Variants in MYBPC1 observed in about 807,000 individuals in gnomAD.
MYBPC1 encodes the protein myosin-binding protein C, slow-type.
A neutral mutation model predicts 147.1 loss-of-function variants in MYBPC1; 52 were observed. The ratio of observed to expected loss-of-function variants is 0.35; its 90% CI spans 0.28 to 0.45. MYBPC1 has a LOEUF of 0.45. Ranked by LOEUF, MYBPC1 falls within the 20% of genes least tolerant of loss-of-function variation. The probability of loss-of-function intolerance (pLI) is 1.00; values close to 1 mark genes in which losing one functional copy is unlikely to be tolerated. For missense variants in MYBPC1, 1,228 were observed against 1,440.3 expected, an observed-to-expected ratio of 0.85 and a Z score of 2.39; for synonymous variants, 477 against 475.9, an observed-to-expected ratio of 1.00 and a Z score of -0.03.
chr12:101,610,907 A>G (rs1884050618), intron 1 of MYBPC1, among the ~76,000 whole-genome samples: 1 of 152,194 alleles, frequency 6.6e-6, no homozygotes, highest in Non-Finnish European at 1.5e-5. Context: ...GCCTGGTTCC[A>G]CACTCCCTAG....
intron 4 of MYBPC1, among the ~76,000 whole-genome samples, 176 bp from the exon 5 acceptor site, chr12:101,627,593 G>A (rs1392947538): frequency 6.6e-6 from 1 of 152,096 alleles, no homozygotes; most frequent in Non-Finnish European, 1.5e-5. Flanking sequence ...CACTTTTATA[G>A]ATGCTTTCAT....
Position 101,685,663 on chromosome 12 carries a change from G to A in MYBPC1, c.*101G>A. 1 of 1,527,558 alleles carries A rather than the reference G, an allele frequency of 6.5e-7. No homozygotes were observed. The highest frequency in any genetic ancestry group is 8.8e-7 in the Non-Finnish European group (1 of 1,139,432). 94.6% of individuals were successfully genotyped at this position (1,527,558 alleles called of 1,614,324 possible). A position where few individuals can be genotyped will look rare whatever the true frequency, so the allele number is the denominator to read the frequency against. On this transcript the variant is annotated 3_prime_UTR_variant, in exon 32 of 32. Coordinates refer to ENST00000361466, the MANE Select transcript of MYBPC1 (RefSeq NM_002465.4). ...TCGTATCTGCGAGACTTACACTCAA[G>A]CAATCCTGAGGAATACTGAGGGAGG... is the stretch of plus-strand genomic sequence containing the variant.
At chr12:101,658,489 A>C (rs1290551448) in intron 18 of MYBPC1, among the ~76,000 whole-genome samples, 1 of 152,166 alleles carries the variant, frequency 6.6e-6, no homozygotes, top group Non-Finnish European at 1.5e-5. Context: ...GAAATAATGC[A>C]AGAGTATCCT....
chr12:101,621,078 T>A (rs1017317840), intron 3 of MYBPC1, among the ~76,000 whole-genome samples: 1 of 152,204 alleles, frequency 6.6e-6, no homozygotes, highest in Admixed American at 6.5e-5. Flanking sequence ...AAATGATTTT[T>A]AAAAAAATTT....
At position 101,633,829 on chromosome 12, in the gene MYBPC1, G is replaced by T. The variant is rs561930777; in HGVS notation, c.557-725G>T. Among the ~76,000 whole-genome samples, 22 of 152,148 alleles carry T rather than the reference G, an allele frequency of 1.4e-4. No homozygotes were observed. The South Asian group carries it at 4.6e-3, about 32-fold the overall frequency. ...CTGTCGATATTTCTGTATTAGGTGG[G>T]ATCTGGGATCCTGGGCAGCACTGCT... On this transcript the variant is annotated intron_variant, in intron 8 of 31. Transcript: ENST00000361466.
At chr12:101,684,187 T>C (rs1951206584) in intron 30 of MYBPC1, among the ~76,000 whole-genome samples, 195 bp from the exon 31 acceptor site, 1 of 152,212 alleles carries the variant, frequency 6.6e-6, no homozygotes, top group South Asian at 2.1e-4. Context: ...TTAATGATCC[T>C]TTTGACGTGA....
chr12:101,620,865 TA>T (rs2135914856), intron 3 of MYBPC1, among the ~76,000 whole-genome samples: 1 of 152,328 alleles, frequency 6.6e-6, no homozygotes, highest in East Asian at 1.9e-4. Flanking sequence ...CTGCTTTTGG[TA>T]ATCGTGAAAA....
chr12:101,639,248 G>T (rs976909553), intron 10 of MYBPC1, among the ~76,000 whole-genome samples: 4 of 152,182 alleles, frequency 2.6e-5, no homozygotes, highest in African/African-American at 9.7e-5. Context: ...TTGAAATTTT[G>T]ATGTAGATGA....
At chr12:101,663,587 A>C in intron 22 of MYBPC1, 27 bp downstream of exon 22, 2 of 1,611,374 alleles carry the variant, frequency 1.2e-6, no homozygotes, top group Middle Eastern at 1.7e-4. Context: ...GATAAAATGA[A>C]TACTGTCATC....
At chr12:101,631,784 T>G in intron 7 of MYBPC1, 65 bp downstream of exon 7, 1 of 1,606,400 alleles carries the variant, frequency 6.2e-7, no homozygotes, top group Non-Finnish European at 8.5e-7. Context: ...AATAAATGAT[T>G]ATTTTCAGGT....
At chr12:101,624,024 C>T (rs1486217713) in intron 3 of MYBPC1, among the ~76,000 whole-genome samples, 1 of 151,852 alleles carries the variant, frequency 6.6e-6, no homozygotes, top group African/African-American at 2.4e-5. Context: ...TTCTTGTCAC[C>T]CCCACTTCCA....
Position 101,677,380 on chromosome 12 carries a change from T to G in MYBPC1, c.3095T>G (p.Val1032Gly), listed in dbSNP as rs376512470. ...GCCACCATGACTAAAGAGAGTGCAG[T>G]GATCGCCAGGGATGGTGAGTTGGGA... ...EDATMTKESA[V>G]IARDGKIYKN... The change falls in exon 27 of 32, where the codon GTG becomes GGG. Residue 1032 changes from valine (V) to glycine (G), a missense_variant. Val to Gly is a moderately radical substitution (Grantham distance 109, BLOSUM62 -3). Coordinates refer to ENST00000361466, the MANE Select transcript of MYBPC1 (RefSeq NM_002465.4). 7 of 1,613,852 alleles carry G rather than the reference T, an allele frequency of 4.3e-6. No homozygotes were observed. The highest frequency in any genetic ancestry group is 5.9e-6 in the Non-Finnish European group (7 of 1,179,966).
At position 101,681,592 on chromosome 12, in the gene MYBPC1, A is replaced by AT. The variant is rs869224775; in HGVS notation, c.3434-978dup. ...TATATATATATATATATATATATATATTTTTTTTTTTTTTTTTTTTTTTTT... is the reference window on the plus strand; with the variant it reads ...TATATATATATATATATATATATATATTTTTTTTTTTTTTTTTTTTTTTTTT... On this transcript the variant is annotated intron_variant, in intron 29 of 31. Transcript: ENST00000361466. Among the ~76,000 whole-genome samples the AT allele has an allele frequency of 4.4e-4, 6 of 13,540 alleles. 1 individual carries two copies. Among genetic ancestry groups the AT allele is most frequent in the African/African-American group, 6.3e-4 (2 of 3,168 alleles). 8.9% of individuals were successfully genotyped at this position (13,540 alleles called of 152,430 possible).
At chr12:101,687,171 C>G (rs1316759047), downstream of MYBPC1, among the ~76,000 whole-genome samples, 1 of 151,772 alleles carries the variant, frequency 6.6e-6, no homozygotes, top group Non-Finnish European at 1.5e-5. Context: ...TGTGCTGCAC[C>G]CATTAACTCA....
intron 1 of MYBPC1, among the ~76,000 whole-genome samples, chr12:101,605,586 C>T (rs1030526329): frequency 6.6e-6 from 1 of 152,130 alleles, no homozygotes; most frequent in African/African-American, 2.4e-5. Context: ...ATTGGTTGGG[C>T]ATGGTGGCTC....
At chr12:101,664,298 G>A (rs1168103230) in intron 22 of MYBPC1, 1 of 152,176 alleles carries the variant, frequency 6.6e-6, no homozygotes, top group Non-Finnish European at 1.5e-5. Flanking sequence ...AAATCCTGTT[G>A]TGTTTCTTGG....
At chr12:101,604,580 T>C (rs1050876070) in intron 1 of MYBPC1, among the ~76,000 whole-genome samples, 15 of 152,346 alleles carry the variant, frequency 9.8e-5, no homozygotes, top group African/African-American at 3.4e-4. Context: ...TAAAATGTAA[T>C]ATATTACTCC....
At chr12:101,667,634 G>T in intron 22 of MYBPC1, 98 bp from the exon 23 acceptor site, 2 of 1,349,448 alleles carry the variant, frequency 1.5e-6, no homozygotes, top group East Asian at 2.4e-5. Context: ...GTATTATTAT[G>T]AGTAAAATAC....
At chr12:101,661,887 ACT>A (rs1896610358) in intron 20 of MYBPC1, among the ~76,000 whole-genome samples, 1 of 129,160 alleles carries the variant, frequency 7.7e-6, no homozygotes, top group African/African-American at 2.9e-5. Flanking sequence ...ACAGAGTGAG[ACT>A]CTGTCTCAAA....
Sources: gnomAD v4.1 joint callset for allele counts (sites outside exome capture counted in the v4.1 genomes callset) on GRCh38, gnomAD v4.1.1 for gene constraint, MANE v1.5 for transcripts, NCBI Gene and HGNC (gene_info 2026-07-23, HGNC 2026-07-21) for gene names.